The following SMARCA4 variants were observed in gnomAD, a reference collection of about 807,000 sequenced individuals.
SMARCA4 encodes SWI/SNF-related matrix-associated actin-dependent regulator of chromatin subfamily A member 4.
Under a neutral mutation model 193.9 loss-of-function variants are expected in SMARCA4, and 31 were observed. The observed-to-expected ratio is 0.16, with a 90% confidence interval of 0.12 to 0.22. The LOEUF is 0.22. Among genes scored for constraint, SMARCA4 ranks in the 10% least tolerant of loss-of-function variants. The pLI, the probability that SMARCA4 is intolerant of heterozygous loss-of-function variation, is 1.00. For missense variants in SMARCA4, 1,148 were observed against 2,296.0 expected (o/e 0.50, Z 10.22); for synonymous variants, 942 against 933.1 (o/e 1.01, Z -0.17).
chr19:10,966,553 A>C (rs2084234435), intron 1 of SMARCA4, among the ~76,000 whole-genome samples: 1 of 151,608 alleles, frequency 6.6e-6, no homozygotes, highest in African/African-American at 2.4e-5. Context: ...GCACCACTGC[A>C]CTCCAACCTG....
chr19:11,059,837 G>T lies in SMARCA4; in HGVS notation c.4720G>T (p.Glu1574Ter), dbSNP rs2147115375. ...GAAGGAGGATGACAGTGAAGGCGAG[G>T]AGAGTGAGGAGGAGGAAGAGGGCGA... ...IEKEDDSEGE[E>*]SEEEEEGEEE... Residue 1574 changes from glutamate to a stop codon, truncating the protein, a stop_gained, in exon 33 of 35, where the codon GAG becomes TAG. Coordinates refer to ENST00000344626, the MANE Select transcript of SMARCA4 (RefSeq NM_003072.5). LOFTEE classifies it high-confidence loss of function. 1 of 1,613,950 alleles carries T rather than the reference G, an allele frequency of 6.2e-7. No homozygotes were observed. The highest frequency in any genetic ancestry group is 8.5e-7 in the Non-Finnish European group (1 of 1,179,896).
intron 15 of SMARCA4, chr19:11,012,670 A>T (rs1176414741): frequency 1.7e-5 from 8 of 466,308 alleles, no homozygotes; most frequent in South Asian, 1.4e-4. Context: ...ACAATGTAAC[A>T]GGTGGGAGTG....
At chr19:11,021,686 G>C (rs2146412828) in intron 18 of SMARCA4, 39 bp from the exon 19 acceptor site, 1 of 1,580,964 alleles carries the variant, frequency 6.3e-7, no homozygotes, top group South Asian at 1.1e-5. Flanking sequence ...CGGGCCACCT[G>C]CTGCCCCCTG....
intron 9 of SMARCA4, 177 bp from the exon 10 acceptor site, chr19:10,996,036 G>T: frequency 1.4e-6 from 1 of 735,856 alleles, no homozygotes; most frequent in Non-Finnish European, 2.5e-6. Context: ...CTAGCCCTTG[G>T]TGGGTTTTGA....
intron 29 of SMARCA4, among the ~76,000 whole-genome samples, chr19:11,035,494 A>G (rs2075214160): frequency 6.6e-6 from 1 of 152,206 alleles, no homozygotes; most frequent in South Asian, 2.1e-4. Context: ...ACAAGGGTGA[A>G]TCATGGACTA....
chr19:11,043,357 A>G (rs1385172237), intron 30 of SMARCA4, among the ~76,000 whole-genome samples: 1 of 152,236 alleles, frequency 6.6e-6, no homozygotes, highest in Non-Finnish European at 1.5e-5. Flanking sequence ...AAGGAGACAT[A>G]TTCAAGTTCA....
At chr19:10,989,509 C>G (rs998730076) in intron 7 of SMARCA4, 66 bp downstream of exon 7, 56 of 1,585,438 alleles carry the variant, frequency 3.5e-5, no homozygotes, top group Non-Finnish European at 3.3e-5. Context: ...TGCTAAGGCT[C>G]CAAATACGGC....
intron 1 of SMARCA4, among the ~76,000 whole-genome samples, chr19:10,975,391 A>G (rs893620455): frequency 1.4e-5 from 2 of 147,150 alleles, no homozygotes; most frequent in African/African-American, 5.1e-5. Context: ...GGCTCACTGC[A>G]ACCTCCACCT....
Position 10,984,479 on chromosome 19 carries a change from G to GT in SMARCA4, c.222+108dup. 6.5e-7 allele frequency: 1 copy of GT among 1,541,982 alleles called. No individual in the cohort carries two copies. The highest frequency in any genetic ancestry group is 1.2e-5 in the South Asian group (1 of 83,370). On this transcript the variant is annotated intron_variant, in intron 2 of 34. Transcript: ENST00000344626. The surrounding 1 kb of genome is among the most constrained non-coding windows in gnomAD (Gnocchi z 4.3). ...TTGGAGGATGGGGGGAAGCCTTCTTGTTGGAGGTGTCCTGCCTTGGCTCAG... is the reference window on the plus strand; with the variant it reads ...TTGGAGGATGGGGGGAAGCCTTCTTGTTTGGAGGTGTCCTGCCTTGGCTCAG...
intron 30 of SMARCA4, among the ~76,000 whole-genome samples, chr19:11,042,659 G>A (rs1353729352): frequency 1.3e-5 from 2 of 152,204 alleles, no homozygotes; most frequent in Non-Finnish European, 2.9e-5. Flanking sequence ...TTAGAGGATG[G>A]TAACAATTGG....
At chr19:10,988,396 C>G (rs146359717) in intron 6 of SMARCA4, among the ~76,000 whole-genome samples, 2 of 152,290 alleles carry the variant, frequency 1.3e-5, no homozygotes, top group African/African-American at 4.8e-5. Flanking sequence ...CATGAGCCAC[C>G]GCACCTGGCA....
intron 30 of SMARCA4, among the ~76,000 whole-genome samples, chr19:11,045,069 C>A (rs893697955): frequency 6.6e-6 from 1 of 152,192 alleles, no homozygotes; most frequent in Non-Finnish European, 1.5e-5. Context: ...GCCTGTAATC[C>A]CAGCACTTTG....
At chr19:11,013,216 A>G in intron 16 of SMARCA4, 104 bp downstream of exon 16, 1 of 1,352,916 alleles carries the variant, frequency 7.4e-7, no homozygotes, top group South Asian at 1.2e-5. Flanking sequence ...TGGCTTAATT[A>G]CAGAAATTTG....
chr19:10,987,521 G>A lies in SMARCA4; in HGVS notation c.860-145G>A, dbSNP rs1468025696. On this transcript the variant is annotated intron_variant, in intron 5 of 34. Transcript: ENST00000344626. This position sits in a 1 kb window ranked among gnomAD's most constrained non-coding sequence, Gnocchi z 5.3. ...GAGGAGGTTGGAGCCCAAGGCAGGT[G>A]TGAAGGACACCCCTGGGTGAAAGGT... 1.9e-5 allele frequency: 17 copies of A among 881,850 alleles called. No homozygotes were observed. The highest frequency in any genetic ancestry group is 5.2e-5 in the East Asian group (2 of 38,298). 54.6% of individuals were successfully genotyped at this position (881,850 alleles called of 1,614,324 possible). A position where few individuals can be genotyped will look rare whatever the true frequency, so the allele number is the denominator to read the frequency against.
intron 7 of SMARCA4, among the ~76,000 whole-genome samples, chr19:10,990,838 C>T (rs568052852): frequency 1.3e-5 from 2 of 152,322 alleles, no homozygotes; most frequent in South Asian, 2.1e-4. Flanking sequence ...GGATTACTGG[C>T]GTTAAGCCAC....
Position 11,060,758 on chromosome 19 carries a change from A to T in SMARCA4, c.4911+571A>T, listed in dbSNP as rs537256431. Among the ~76,000 whole-genome samples the T allele has an allele frequency of 2.0e-5, 3 of 152,314 alleles. No individual in the cohort carries two copies. In the East Asian group the frequency reaches 5.8e-4, roughly 29 times the overall value. ...GCTTCAGTTTCCTCTTATGCAAAGC[A>T]AGGAGGCTGCATGGATTAGGGGGCT... On this transcript the variant is annotated intron_variant, in intron 34 of 34. Transcript: ENST00000344626.
intron 34 of SMARCA4, 74 bp downstream of exon 34, chr19:11,060,261 T>G (rs1413401855): frequency 1.3e-6 from 2 of 1,516,440 alleles, no homozygotes; most frequent in Non-Finnish European, 1.8e-6. Context: ...GGGACAGCCC[T>G]GTGGGGCGGT....
intron 8 of SMARCA4, among the ~76,000 whole-genome samples, chr19:10,993,933 C>T (rs945997366): frequency 2.6e-5 from 4 of 152,114 alleles, no homozygotes; most frequent in Admixed American, 6.6e-5. Flanking sequence ...TGAGCCACCG[C>T]GCCCTGCCGC....
At position 11,035,093 on chromosome 19, in the gene SMARCA4, G is replaced by A. The variant is rs1555785500; in HGVS notation, c.4131G>A (p.Val1377=). 1.9e-6 allele frequency: 3 copies of A among 1,613,054 alleles called. No homozygotes were observed. Among genetic ancestry groups the A allele is most frequent in the Non-Finnish European group, 2.5e-6 (3 of 1,179,908 alleles). ...FGRGSRHRKE[V]DYSDSLTEKQ... is the part of the protein sequence containing the mutation. ...GTGGCTCCCGCCACCGCAAGGAGGTGGACTACAGCGACTCACTGACGGAGA... is the reference window on the plus strand; with the variant it reads ...GTGGCTCCCGCCACCGCAAGGAGGTAGACTACAGCGACTCACTGACGGAGA... Residue 1377 remains valine (V), a synonymous_variant, in exon 29 of 35, where the codon GTG becomes GTA. Coordinates refer to ENST00000344626, the MANE Select transcript of SMARCA4 (RefSeq NM_003072.5).
Sources: gnomAD v4.1 joint callset for allele counts (sites outside exome capture counted in the v4.1 genomes callset) on GRCh38, gnomAD v4.1.1 for gene constraint, Gnocchi (gnomAD v3.1) non-coding constraint, MANE v1.5 for transcripts, NCBI Gene and HGNC (gene_info 2026-07-23, HGNC 2026-07-21) for gene names.